BTBD6: variants seen among roughly 807,000 people sequenced by gnomAD.
The protein encoded by BTBD6 is BTB domain containing 6.
Under a neutral mutation model 40.6 loss-of-function variants are expected in BTBD6, and 30 were observed. The ratio of observed to expected loss-of-function variants is 0.74; its 90% confidence interval spans 0.55 to 1.00. The LOEUF (loss-of-function observed/expected upper bound fraction) is 1.00, where lower values mean the gene tolerates loss of function less well. Ranked by LOEUF, BTBD6 falls within the 50% of genes least tolerant of loss-of-function variation. The pLI is 0.00. For missense variants in BTBD6, 698 were observed against 694.6 expected (o/e 1.00, Z -0.06); for synonymous variants, 378 against 308.7 (o/e 1.22, Z -2.35).
intron 3 of BTBD6, 45 bp from the exon 4 acceptor site, chr14:105,249,595 G>A (rs2055456384): frequency 6.3e-7 from 1 of 1,586,624 alleles, no homozygotes; most frequent in Non-Finnish European, 8.6e-7. Context: ...GCCCCGCGAT[G>A]GGTGCTTGGG....
Position 105,250,711 on chromosome 14 carries a change from GA to G in BTBD6, c.*40del. 1 of 1,568,572 alleles carries G rather than the reference GA, an allele frequency of 6.4e-7. No homozygotes were observed. The highest frequency in any genetic ancestry group is 8.7e-7 in the Non-Finnish European group (1 of 1,153,292). On this transcript the variant is annotated 3_prime_UTR_variant, in exon 4 of 4. Transcript: ENST00000392554. Reference sequence around the variant, plus strand: ...GCTGCAGCAGGTCAGCGAGTGAGTGGAGGGGAAGTCAAGATGCTAACTGCTT... The same window carrying G: ...GCTGCAGCAGGTCAGCGAGTGAGTGGGGGGAAGTCAAGATGCTAACTGCTT...
intron 3 of BTBD6, 37 bp from the exon 4 acceptor site, chr14:105,249,603 G>A (rs369527228): frequency 7.2e-5 from 115 of 1,589,792 alleles, no homozygotes; most frequent in Non-Finnish European, 8.8e-5. Context: ...ATGGGTGCTT[G>A]GGAGCCAGCC....
rs920803248 is a variant in BTBD6, at chr14:105,248,593, G to C, written c.-119G>C. On this transcript the variant is annotated 5_prime_UTR_variant, in exon 1 of 4. Transcript: ENST00000392554. ...CTCGGGCGGGCGGGCGGGCGGGACG[G>C]CGCCCCCCGCGGCCGGGCCTGGCCG... The C allele has an allele frequency of 3.1e-6, 3 of 960,902 alleles. No homozygotes were observed. Among genetic ancestry groups the C allele is most frequent in the Non-Finnish European group, 3.7e-6 (3 of 811,460 alleles). The allele number at this position is 960,902 out of a possible 1,614,324, so 59.5% of individuals were successfully genotyped here.
intron 3 of BTBD6, 52 bp downstream of exon 3, chr14:105,249,530 C>G (rs762232052): frequency 6.2e-7 from 1 of 1,604,092 alleles, no homozygotes; most frequent in Non-Finnish European, 8.5e-7. Flanking sequence ...AGGCGGCCTC[C>G]GGAGGCTTCT....
chr14:105,249,552 C>G, intron 3 of BTBD6, 74 bp downstream of exon 3: 1 of 1,592,930 alleles, frequency 6.3e-7, no homozygotes, highest in Middle Eastern at 1.7e-4. Flanking sequence ...AAGGGAAGCA[C>G]ACAGGAGCTG....
At position 105,249,238 on chromosome 14, in the gene BTBD6, C is replaced by T. The variant is rs587701705; in HGVS notation, c.456C>T (p.Pro152=). ...VGPPGATRTV[P]AHKYVLAVGS... is the part of the protein sequence containing the mutation. ...CCCCGGGGGCGACCAGGACGGTGCC[C>T]GCCCACAAGGTGGGTAGCGGCGGCC... is the stretch of plus-strand genomic sequence containing the variant. Residue 152 remains proline (P), a synonymous_variant, in exon 2 of 4, where the codon CCC becomes CCT. Transcript: ENST00000392554. 74 of 1,580,970 alleles carry T rather than the reference C, an allele frequency of 4.7e-5. No homozygotes were observed. In the East Asian group the frequency reaches 1.6e-3, roughly 34 times the overall value.
In BTBD6 at chr14:105,248,596, C is replaced by G; in HGVS notation, c.-116C>G. 2 of 948,380 alleles carry G rather than the reference C, an allele frequency of 2.1e-6. No homozygotes were observed. Among genetic ancestry groups the G allele is most frequent in the Non-Finnish European group, 2.5e-6 (2 of 803,838 alleles). The allele number at this position is 948,380 out of a possible 1,614,324, so 58.7% of individuals were successfully genotyped here. ...GGGCGGGCGGGCGGGCGGGACGGCG[C>G]CCCCCGCGGCCGGGCCTGGCCGGGC... On this transcript the variant is annotated 5_prime_UTR_variant, in exon 1 of 4. Coordinates refer to ENST00000392554, the MANE Select transcript of BTBD6 (RefSeq NM_001387567.1).
At chr14:105,249,527 C>T (rs1232996150) in intron 3 of BTBD6, 49 bp downstream of exon 3, 2 of 1,604,406 alleles carry the variant, frequency 1.2e-6, no homozygotes, top group African/African-American at 1.3e-5. Flanking sequence ...TTTAGGCGGC[C>T]TCCGGAGGCT....
At position 105,250,281 on chromosome 14, in the gene BTBD6, G is replaced by A. The variant is rs766960363; in HGVS notation, c.1226G>A (p.Arg409His). 1.2e-6 allele frequency: 2 copies of A among 1,613,110 alleles called. No individual in the cohort carries two copies. The highest frequency in any genetic ancestry group is 8.5e-7 in the Non-Finnish European group (1 of 1,180,030). ...AGCAACCAGTGGCGGTACCGCGGGC[G>A]CTGCGACAGCATCCAGTTTGCAGTG... ...YRSNQWRYRG[R>H]CDSIQFAVDR... is the part of the protein sequence containing the mutation. The change falls in exon 4 of 4, where the codon CGC becomes CAC. Residue 409 changes from arginine to histidine, a missense_variant. Arg to His is a conservative substitution (Grantham distance 29, BLOSUM62 0). Transcript: ENST00000392554.
Position 105,248,686 on chromosome 14 carries a change from CGCG to C in BTBD6, c.-24_-22del, listed in dbSNP as rs1446946672. On this transcript the variant is annotated 5_prime_UTR_variant, in exon 1 of 4. Coordinates refer to ENST00000392554, the MANE Select transcript of BTBD6 (RefSeq NM_001387567.1). ...GTGGCAGGGGAGCGGGTGGCAGCCC[CGCG>C]GGTCACAGCGCCGCCGCCGCCCATG... is the stretch of plus-strand genomic sequence containing the variant. 7.1e-6 allele frequency: 7 copies of C among 982,000 alleles called. No individual in the cohort carries two copies. Among genetic ancestry groups the C allele is most frequent in the Non-Finnish European group, 8.4e-6 (7 of 829,124 alleles). The allele number at this position is 982,000 out of a possible 1,614,324, so 60.8% of individuals were successfully genotyped here. A position where few individuals can be genotyped will look rare whatever the true frequency, so the allele number is the denominator to read the frequency against.
chr14:105,248,560 G>C lies in BTBD6; in HGVS notation c.-152G>C, dbSNP rs2055299021. ...AGCGTGACGCACCGGCGCCGCGGCG[G>C]GTACGGGCTCGGGCGGGCGGGCGGG... On this transcript the variant is annotated 5_prime_UTR_variant, in exon 1 of 4. Transcript: ENST00000392554. 1 of 917,268 alleles carries C rather than the reference G, an allele frequency of 1.1e-6. No individual in the cohort carries two copies. Among genetic ancestry groups the C allele is most frequent in the Non-Finnish European group, 1.3e-6 (1 of 777,354 alleles). 56.8% of individuals were successfully genotyped at this position (917,268 alleles called of 1,614,324 possible).
rs1412579873 is a variant in BTBD6, at chr14:105,249,229, G to A, written c.447G>A (p.Arg149=). The change falls in exon 2 of 4, where the codon AGG becomes AGA. Residue 149 remains arginine, a synonymous_variant. Coordinates refer to ENST00000392554, the MANE Select transcript of BTBD6 (RefSeq NM_001387567.1). Reference sequence around the variant, plus strand: ...TCGTGGGGCCCCCGGGGGCGACCAGGACGGTGCCCGCCCACAAGGTGGGTA... The same window carrying A: ...TCGTGGGGCCCCCGGGGGCGACCAGAACGGTGCCCGCCCACAAGGTGGGTA... The part of the protein sequence containing the change: ...HFVVGPPGAT[R]TVPAHKYVLA... 1.3e-6 allele frequency: 2 copies of A among 1,584,784 alleles called. No homozygotes were observed. Among genetic ancestry groups the A allele is most frequent in the Non-Finnish European group, 8.5e-7 (1 of 1,171,474 alleles).
rs1161994460 is a variant in BTBD6, at chr14:105,250,080, C to T, written c.1025C>T (p.Thr342Ile). The T allele has an allele frequency of 6.2e-7, 1 of 1,612,898 alleles. No individual in the cohort carries two copies. Among genetic ancestry groups the T allele is most frequent in the South Asian group, 1.1e-5 (1 of 91,096 alleles). ...ALYLVRIPTMTLEEFANGAAQ... is the reference protein window; with the variant it reads ...ALYLVRIPTMILEEFANGAAQ... ...TATCTGGTCCGAATTCCAACCATGA[C>T]CCTAGAGGAGTTTGCCAACGGCGCT... The change falls in exon 4 of 4, where the codon ACC becomes ATC. Residue 342 changes from threonine (T) to isoleucine (I), a missense_variant. By Grantham distance (89) the Thr-to-Ile change is moderately conservative. Transcript: ENST00000392554.
In BTBD6 at chr14:105,248,864, C is replaced by G; in HGVS notation, c.153C>G (p.Pro51=). The change falls in exon 1 of 4, where the codon CCC becomes CCG. Residue 51 remains proline, a synonymous_variant. Transcript: ENST00000392554. The stretch of plus-strand genomic sequence containing the variant: ...CCGAGGCTGCCCCCGCCGCCCCGCC[C>G]GCGAAGATGGCGGCGGAACTCTACG... The part of the protein sequence containing the change: ...TGAEAAPAAP[P]AKMAAELYAP... The G allele has an allele frequency of 1.0e-6, 1 of 990,048 alleles. No homozygotes were observed. The highest frequency in any genetic ancestry group is 1.2e-6 in the Non-Finnish European group (1 of 834,248). The allele number at this position is 990,048 out of a possible 1,614,324, so 61.3% of individuals were successfully genotyped here. A position where few individuals can be genotyped will look rare whatever the true frequency, so the allele number is the denominator to read the frequency against.
rs561091813 is a variant in BTBD6 at position 105,250,064 on chromosome 14, C to T, written c.1009C>T (p.Arg337Ter). 6.2e-7 allele frequency: 1 copy of T among 1,612,966 alleles called. No homozygotes were observed. Among genetic ancestry groups the T allele is most frequent in the African/African-American group, 1.3e-5 (1 of 75,060 alleles). ...HVLGRALYLVRIPTMTLEEFA... is the reference protein window; with the variant it reads ...HVLGRALYLV ...TCTGGGGCGAGCCCTCTATCTGGTC[C>T]GAATTCCAACCATGACCCTAGAGGA... Residue 337 changes from arginine (R) to a stop codon, truncating the protein, a stop_gained, in exon 4 of 4, where the codon CGA (arginine) becomes TGA (stop). Coordinates refer to ENST00000392554, the MANE Select transcript of BTBD6 (RefSeq NM_001387567.1). LOFTEE classifies it high-confidence loss of function.
Position 105,248,642 on chromosome 14 carries a change from C to A in BTBD6, c.-70C>A. On this transcript the variant is annotated 5_prime_UTR_variant, in exon 1 of 4. Coordinates refer to ENST00000392554, the MANE Select transcript of BTBD6 (RefSeq NM_001387567.1). ...CGGGCTGCGCTAGGCTGGGCTCGGG[C>A]AGGGTCGCAGGGGCGGGGGTGGCAG... 1 of 979,962 alleles carries A rather than the reference C, an allele frequency of 1.0e-6. No individual in the cohort carries two copies. The highest frequency in any genetic ancestry group is 1.1e-4 in the East Asian group (1 of 8,750). 60.7% of individuals were successfully genotyped at this position (979,962 alleles called of 1,614,324 possible).
chr14:105,249,427 C>G lies in BTBD6; in HGVS notation c.533C>G (p.Ser178Cys). Reference protein sequence around the residue: ...MFYGDLAEVKSEIHIPDVEPA... With the variant: ...MFYGDLAEVKCEIHIPDVEPA... ...TACGGAGACCTGGCGGAAGTCAAATCTGAAATTCACATTCCAGACGTGGAG... is the reference window on the plus strand; with the variant it reads ...TACGGAGACCTGGCGGAAGTCAAATGTGAAATTCACATTCCAGACGTGGAG... Residue 178 changes from serine (S) to cysteine (C), a missense_variant, in exon 3 of 4, where the codon TCT (serine) becomes TGT (cysteine). Ser to Cys is a moderately radical substitution (Grantham distance 112). Transcript: ENST00000392554. The G allele has an allele frequency of 6.2e-7, 1 of 1,613,616 alleles. No individual in the cohort carries two copies. Among genetic ancestry groups the G allele is most frequent in the Non-Finnish European group, 8.5e-7 (1 of 1,179,996 alleles).
Position 105,248,993 on chromosome 14 carries a change from G to A in BTBD6, c.282G>A (p.Ala94=), listed in dbSNP as rs750481308. 2 of 997,290 alleles carry A rather than the reference G, an allele frequency of 2.0e-6. No homozygotes were observed. Among genetic ancestry groups the A allele is most frequent in the South Asian group, 9.1e-5 (2 of 21,896 alleles). 61.8% of individuals were successfully genotyped at this position (997,290 alleles called of 1,614,324 possible). A position where few individuals can be genotyped will look rare whatever the true frequency, so the allele number is the denominator to read the frequency against. ...GCCCGCCCAGCGCCCCCGCGCCAGC[G>A]CCGCCGCCGCCCGCGCCCGCGCCGC... is the stretch of plus-strand genomic sequence containing the variant. The part of the protein sequence containing the change: ...PRSPPSAPAP[A]PPPPAPAPPT... Residue 94 remains alanine (A), a synonymous_variant, in exon 1 of 4, where the codon GCG becomes GCA. Coordinates refer to ENST00000392554, the MANE Select transcript of BTBD6 (RefSeq NM_001387567.1).
intron 2 of BTBD6, 47 bp from the exon 3 acceptor site, chr14:105,249,313 G>GC (rs757968680): frequency 6.3e-7 from 1 of 1,589,660 alleles, no homozygotes. Flanking sequence ...TGGCTGACAC[G>GC]CAGCCTGCGG....
Sources: allele counts gnomAD v4.1 joint callset, GRCh38; gene constraint gnomAD v4.1.1; transcripts MANE v1.5; gene names NCBI Gene and HGNC (gene_info 2026-07-23, HGNC 2026-07-21).